Variants in SMYD3 observed in about 807,000 individuals in gnomAD.
SMYD3 encodes the protein histone-lysine N-methyltransferase SMYD3.
SMYD3 carries 36 observed loss-of-function variants against 57.7 expected under a neutral mutation model. The observed-to-expected ratio is 0.62, with a 90% CI of 0.48 to 0.82. The LOEUF (loss-of-function observed/expected upper bound fraction) is 0.82. Ranked by LOEUF, SMYD3 falls within the 40% of genes least tolerant of loss-of-function variation. The pLI is 0.00. For missense variants in SMYD3, 515 were observed against 538.8 expected, an observed-to-expected ratio of 0.96 and a Z score of 0.44; for synonymous variants, 211 against 195.0, an observed-to-expected ratio of 1.08 and a Z score of -0.68.
intron 5 of SMYD3, among the ~76,000 whole-genome samples, chr1:246,185,449 C>CTTTTT (rs1183038960): frequency 1.2e-4 from 10 of 80,046 alleles, no homozygotes; most frequent in East Asian, 3.7e-4. Flanking sequence ...GTTAGTGATT[C>CTTTTT]TTTTTTTTTT....
chr1:245,927,869 G>A, intron 7 of SMYD3, 62 bp downstream of exon 7: 1 of 1,346,200 alleles, frequency 7.4e-7, no homozygotes, highest in Non-Finnish European at 1.0e-6. Context: ...TTAGGGACGG[G>A]CCGAGCTGAG....
rs1314991749 is a variant in SMYD3, at chr1:245,947,050, C to A, written c.532-17113G>T. ...GCTGCTCTTCCGTGGCCCTGGGAGG[C>A]GGGCTGGCCTCCACGTACTGTCAGA... is the stretch of plus-strand genomic sequence containing the variant. On this transcript the variant is annotated intron_variant, in intron 5 of 11. Transcript: ENST00000490107. Among the ~76,000 whole-genome samples the A allele has an allele frequency of 2.6e-5, 4 of 152,148 alleles. No individual in the cohort carries two copies. In the East Asian group the frequency reaches 7.7e-4, roughly 29 times the overall value.
intron 5 of SMYD3, among the ~76,000 whole-genome samples, chr1:246,172,487 G>A (rs1408513310): frequency 8.8e-5 from 10 of 113,220 alleles, no homozygotes; most frequent in Admixed American, 1.9e-4. Flanking sequence ...CACACTGTAT[G>A]CTTAGGCTAC....
chr1:245,967,893 T>G lies in SMYD3; in HGVS notation c.532-37956A>C, dbSNP rs144663354. 3.0e-3 allele frequency among the ~76,000 whole-genome samples: 455 copies of G among 152,284 alleles called. 2 individuals are homozygous for G. Among genetic ancestry groups the G allele is most frequent in the African/African-American group, 0.01 (418 of 41,540 alleles). On this transcript the variant is annotated intron_variant, in intron 5 of 11. Transcript: ENST00000490107. Reference sequence around the variant, plus strand: ...GTGGCGTGAACTATTATTTTCATATTTCCATTGCTTACTTGTCACTTCCAG... The same window carrying G: ...GTGGCGTGAACTATTATTTTCATATGTCCATTGCTTACTTGTCACTTCCAG...
intron 5 of SMYD3, among the ~76,000 whole-genome samples, chr1:246,147,519 C>T (rs1262146043): frequency 6.6e-6 from 1 of 152,132 alleles, no homozygotes; most frequent in African/African-American, 2.4e-5. Context: ...TCCATGGAGG[C>T]GGTGGGAGCC....
rs148364788 is a variant in SMYD3, at chr1:245,931,777, AAC to A, written c.532-1842_532-1841del. 2.8e-3 allele frequency among the ~76,000 whole-genome samples: 433 copies of A among 152,340 alleles called. 1 individual carries two copies. The highest frequency in any genetic ancestry group is 0.01 in the African/African-American group (416 of 41,578). On this transcript the variant is annotated intron_variant, in intron 5 of 11. Coordinates refer to ENST00000490107, the MANE Select transcript of SMYD3 (RefSeq NM_001167740.2). ...TACATGAAAGAACACGAAGTATGAA[AAC>A]ACACTGAGTCCTCTGAGACTCTTCC...
intron 8 of SMYD3, among the ~76,000 whole-genome samples, chr1:245,904,575 C>T (rs901607226): frequency 6.6e-6 from 1 of 152,168 alleles, no homozygotes; most frequent in Non-Finnish European, 1.5e-5. Context: ...AATCTCCAAT[C>T]CCAGAGGTCC....
chr1:246,418,888 G>T (rs1364108492), intron 1 of SMYD3, among the ~76,000 whole-genome samples: 2 of 152,152 alleles, frequency 1.3e-5, no homozygotes, highest in African/African-American at 4.8e-5. Context: ...TATACATCCA[G>T]ATGGCCTGAA....
intron 7 of SMYD3, among the ~76,000 whole-genome samples, chr1:245,915,859 G>A (rs976373179): frequency 6.6e-6 from 1 of 151,948 alleles, no homozygotes. Context: ...AAATATATAT[G>A]TATCATATAT....
At position 246,248,631 on chromosome 1, in the gene SMYD3, C is replaced by CTTGTTTTTTTTTTT. The variant is rs1309872022; in HGVS notation, c.531+78569_531+78570insAAAAAAAAAAACAA. ...GGCCAGTTATGCAAAAGCTCTCTGA[C>CTTGTTTTTTTTTTT]TTTCCTTTTTTTTTTTTTTTTTTTT... On this transcript the variant is annotated intron_variant, in intron 5 of 11. Transcript: ENST00000490107. Among the ~76,000 whole-genome samples, 100 of 119,230 alleles carry CTTGTTTTTTTTTTT rather than the reference C, an allele frequency of 8.4e-4. 12 individuals are homozygous for CTTGTTTTTTTTTTT. Among genetic ancestry groups the CTTGTTTTTTTTTTT allele is most frequent in the East Asian group, 2.9e-3 (10 of 3,392 alleles). 78.2% of individuals were successfully genotyped at this position (119,230 alleles called of 152,430 possible).
chr1:245,985,033 C>T (rs2058675014), intron 5 of SMYD3, among the ~76,000 whole-genome samples: 2 of 152,094 alleles, frequency 1.3e-5, no homozygotes, highest in South Asian at 4.1e-4. Context: ...GACTCTCTGC[C>T]TTACCTACCA....
intron 5 of SMYD3, among the ~76,000 whole-genome samples, chr1:246,151,298 AC>A: frequency 6.6e-6 from 1 of 151,774 alleles, no homozygotes; most frequent in Non-Finnish European, 1.5e-5. Flanking sequence ...ACAGCCCCCT[AC>A]TTTCAATATC....
intron 1 of SMYD3, among the ~76,000 whole-genome samples, chr1:246,375,455 A>G (rs1454510141): frequency 6.6e-6 from 1 of 151,560 alleles, no homozygotes; most frequent in East Asian, 1.9e-4. Context: ...GATGAGAAAA[A>G]TAAGTTAACT....
chr1:245,981,837 A>G (rs769797791), intron 5 of SMYD3, among the ~76,000 whole-genome samples: 3 of 152,256 alleles, frequency 2.0e-5, no homozygotes, highest in Non-Finnish European at 2.9e-5. Context: ...TTGCAGAAAG[A>G]AAGAATTCCA....
At chr1:246,224,324 C>G (rs922101194) in intron 5 of SMYD3, among the ~76,000 whole-genome samples, 2 of 151,854 alleles carry the variant, frequency 1.3e-5, no homozygotes, top group Non-Finnish European at 2.9e-5. Flanking sequence ...CGAAGCAGTA[C>G]AAGCACAGGA....
At chr1:246,386,638 T>A (rs1365032933) in intron 1 of SMYD3, among the ~76,000 whole-genome samples, 1 of 125,566 alleles carries the variant, frequency 8.0e-6, no homozygotes, top group Non-Finnish European at 1.8e-5. Flanking sequence ...ATCTTTTAAT[T>A]GTTAAAAAAA....
At chr1:246,323,355 G>A (rs757383944) in intron 5 of SMYD3, among the ~76,000 whole-genome samples, 8 of 152,136 alleles carry the variant, frequency 5.3e-5, no homozygotes, top group Non-Finnish European at 1.2e-4. Flanking sequence ...GAATATGACC[G>A]GGAAAATTAC....
At chr1:246,334,269 T>A (rs1198603500) in intron 3 of SMYD3, among the ~76,000 whole-genome samples, 1 of 152,066 alleles carries the variant, frequency 6.6e-6, no homozygotes, top group Non-Finnish European at 1.5e-5. Context: ...CATACACTCA[T>A]CACAGTGCCA....
intron 5 of SMYD3, among the ~76,000 whole-genome samples, chr1:246,150,876 C>A (rs1321349259): frequency 1.3e-5 from 2 of 152,202 alleles, no homozygotes; most frequent in Non-Finnish European, 2.9e-5. Context: ...AGCTTACCAT[C>A]CTAAAAGAGA....
Sources: allele counts gnomAD v4.1 joint callset (sites outside exome capture counted in the v4.1 genomes callset), GRCh38; gene constraint gnomAD v4.1.1; transcripts MANE v1.5; gene names NCBI Gene and HGNC (gene_info 2026-07-23, HGNC 2026-07-21).